The following TTC28 variants were observed in gnomAD, a reference collection of about 807,000 sequenced individuals.
TTC28 encodes the protein tetratricopeptide repeat protein 28.
A neutral mutation model predicts 198.0 loss-of-function variants in TTC28; 61 were observed. That is an observed-to-expected ratio of 0.31 (90% CI 0.25 to 0.38). TTC28 has a LOEUF of 0.38. Ranked by LOEUF, TTC28 falls within the 10% of genes least tolerant of loss-of-function variation. The probability of loss-of-function intolerance (pLI) is 1.00; values close to 1 mark genes in which losing one functional copy is unlikely to be tolerated. For missense variants in TTC28, 2,678 were observed against 3,164.0 expected, an observed-to-expected ratio of 0.85 and a Z score of 3.69; for synonymous variants, 1,171 against 1,297.8, an observed-to-expected ratio of 0.90 and a Z score of 2.10.
At chr22:28,364,708 T>C (rs1003589651) in intron 2 of TTC28, among the ~76,000 whole-genome samples, 1 of 152,166 alleles carries the variant, frequency 6.6e-6, no homozygotes, top group Non-Finnish European at 1.5e-5. Context: ...ACTGCAGATG[T>C]GTTGGAAATA....
intron 5 of TTC28, among the ~76,000 whole-genome samples, chr22:28,235,893 T>C (rs980900464): frequency 3.3e-5 from 5 of 152,230 alleles, no homozygotes; most frequent in African/African-American, 1.2e-4. Context: ...TTGTATGGTT[T>C]CAGGTTAGAA....
chr22:28,011,325 G>A (rs966532472), intron 14 of TTC28, among the ~76,000 whole-genome samples: 1 of 152,216 alleles, frequency 6.6e-6, no homozygotes, highest in Non-Finnish European at 1.5e-5. Context: ...GCTGGGCATG[G>A]TGGTTCACGC....
At chr22:28,125,565 G>A (rs9625413) in intron 6 of TTC28, among the ~76,000 whole-genome samples, 2 of 152,122 alleles carry the variant, frequency 1.3e-5, no homozygotes, top group African/African-American at 4.8e-5. Flanking sequence ...ACAAAGAATG[G>A]TTTTACATCT....
intron 5 of TTC28, among the ~76,000 whole-genome samples, chr22:28,273,199 G>A (rs1932201331): frequency 6.6e-6 from 1 of 152,062 alleles, no homozygotes; most frequent in Admixed American, 6.6e-5. Flanking sequence ...GTTATCTAGA[G>A]GAAGATAATA....
chr22:28,452,279 A>T (rs1211053069), intron 2 of TTC28, among the ~76,000 whole-genome samples: 1 of 150,254 alleles, frequency 6.7e-6, no homozygotes, highest in Admixed American at 6.7e-5. Flanking sequence ...AGTCCCAGCT[A>T]CCCAGGAGGC....
chr22:28,392,311 C>A (rs1203818136), intron 2 of TTC28, among the ~76,000 whole-genome samples: 2 of 152,212 alleles, frequency 1.3e-5, no homozygotes, highest in Non-Finnish European at 2.9e-5. Flanking sequence ...CTGTGCCCTG[C>A]CCCCAGAGGT....
intron 2 of TTC28, among the ~76,000 whole-genome samples, chr22:28,626,377 A>G (rs1319954653): frequency 6.6e-6 from 1 of 152,128 alleles, no homozygotes; most frequent in Admixed American, 6.5e-5. Context: ...ACTTATGGAG[A>G]GAGACAGAAA....
chr22:28,239,229 G>A (rs1017918587), intron 5 of TTC28, among the ~76,000 whole-genome samples: 8 of 151,978 alleles, frequency 5.3e-5, no homozygotes, highest in Admixed American at 2.0e-4. Flanking sequence ...TCTGTTCAAC[G>A]GAACTCTGCA....
chr22:28,028,238 C>T (rs1290388610), intron 13 of TTC28, among the ~76,000 whole-genome samples: 7 of 152,194 alleles, frequency 4.6e-5, no homozygotes, highest in East Asian at 1.9e-4. Flanking sequence ...GTGCAAGCTC[C>T]GGGGCTGTGG....
intron 2 of TTC28, among the ~76,000 whole-genome samples, chr22:28,538,687 G>A (rs779567723): frequency 1.4e-4 from 21 of 151,056 alleles, no homozygotes; most frequent in Non-Finnish European, 2.9e-4. Flanking sequence ...AGCCTCTTGA[G>A]TAGCTGGGAT....
intron 5 of TTC28, among the ~76,000 whole-genome samples, chr22:28,219,911 T>G (rs1338620047): frequency 2.0e-5 from 3 of 152,232 alleles, no homozygotes; most frequent in Admixed American, 2.0e-4. Context: ...CACTGACACC[T>G]TTTGAACACT....
chr22:28,097,781 T>C (rs6005714), intron 10 of TTC28, among the ~76,000 whole-genome samples: 92 of 152,212 alleles, frequency 6.0e-4, no homozygotes, highest in African/African-American at 2.1e-3. Flanking sequence ...GAGATTTGTA[T>C]GTGTGTATGT....
chr22:28,371,598 A>ATTTTTTTTTTTTTTT (rs1409625873), intron 2 of TTC28, among the ~76,000 whole-genome samples: 3,005 of 27,680 alleles, frequency 0.11, 1,097 homozygotes, highest in Admixed American at 0.12. Flanking sequence ...AAAAAAAAAA[A>ATTTTTTTTTTTTTTT]TTTTTTTTTT....
chr22:27,980,726 C>T lies in TTC28; in HGVS notation c.*1495G>A, dbSNP rs372257689. 13 of 133,466 alleles carry T rather than the reference C, an allele frequency of 9.7e-5. No individual in the cohort carries two copies. Among genetic ancestry groups the T allele is most frequent in the African/African-American group, 3.6e-4 (12 of 33,772 alleles). The allele number at this position is 133,466 out of a possible 1,614,324, so 8.3% of individuals were successfully genotyped here. A position where few individuals can be genotyped will look rare whatever the true frequency, so the allele number is the denominator to read the frequency against. On this transcript the variant is annotated 3_prime_UTR_variant, in exon 23 of 23. Coordinates refer to ENST00000397906, the MANE Select transcript of TTC28 (RefSeq NM_001145418.2). ...TTTAGAATTACCTAAAAGATACTTA[C>T]TTATCTAAATTCTCCAACTAAACTC...
chr22:28,427,196 T>C (rs1029769780), intron 2 of TTC28, among the ~76,000 whole-genome samples: 3 of 152,262 alleles, frequency 2.0e-5, no homozygotes, highest in Admixed American at 6.5e-5. Flanking sequence ...TGGATTTTAC[T>C]ATGTCACATT....
chr22:28,407,152 G>A (rs2047009496), intron 2 of TTC28, among the ~76,000 whole-genome samples: 1 of 151,934 alleles, frequency 6.6e-6, no homozygotes, highest in African/African-American at 2.4e-5. Flanking sequence ...AAAAAAGCGG[G>A]GACACAATAG....
At chr22:28,212,123 A>G (rs895612674) in intron 5 of TTC28, among the ~76,000 whole-genome samples, 1 of 152,200 alleles carries the variant, frequency 6.6e-6, no homozygotes, top group African/African-American at 2.4e-5. Context: ...ACACATTTAA[A>G]GCAGTGCATA....
intron 22 of TTC28, among the ~76,000 whole-genome samples, chr22:27,984,176 T>C (rs1937126354): frequency 6.6e-6 from 1 of 152,050 alleles, no homozygotes; most frequent in Non-Finnish European, 1.5e-5. Flanking sequence ...GGGCTGGCCG[T>C]GCTCCTGGGG....
chr22:28,209,657 G>A (rs1926734962), intron 5 of TTC28, among the ~76,000 whole-genome samples: 1 of 152,194 alleles, frequency 6.6e-6, no homozygotes, highest in African/African-American at 2.4e-5. Context: ...ACTGGGTGGA[G>A]CCCACCACAG....
Sources: allele counts gnomAD v4.1 joint callset (sites outside exome capture counted in the v4.1 genomes callset), GRCh38; gene constraint gnomAD v4.1.1; transcripts MANE v1.5; gene names NCBI Gene and HGNC (gene_info 2026-07-23, HGNC 2026-07-21).